The following PLXNA2 variants were observed in gnomAD, a reference collection of about 807,000 sequenced individuals.
The protein encoded by PLXNA2 is plexin-A2.
Under a neutral mutation model 193.5 loss-of-function variants are expected in PLXNA2, and 91 were observed. The ratio of observed to expected loss-of-function variants is 0.47; its 90% CI spans 0.40 to 0.56. The LOEUF (loss-of-function observed/expected upper bound fraction) is 0.56. Ranked by LOEUF, PLXNA2 falls within the 20% of genes least tolerant of loss-of-function variation. PLXNA2 has a pLI of 0.00. For synonymous variants in PLXNA2, 997 were observed against 1,027.3 expected (o/e 0.97, Z 0.56); for missense variants, 1,995 against 2,503.2 (o/e 0.80, Z 4.33).
chr1:208,038,300 C>CCTTA lies in PLXNA2; in HGVS notation c.4764+67_4764+70dup, dbSNP rs1327155668. On this transcript the variant is annotated intron_variant, in intron 26 of 31. Coordinates refer to ENST00000367033, the MANE Select transcript of PLXNA2 (RefSeq NM_025179.4). The surrounding 1 kb of genome is among the most constrained non-coding windows in gnomAD (Gnocchi z 4.1). ...GAAAATCCTTTTTAGACTTTTGAGG[C>CCTTA]CTTAGAGCAAGGCTTAGCGGGAAGG... 9.6e-7 allele frequency: 1 copy of CCTTA among 1,046,760 alleles called. No homozygotes were observed. The highest frequency in any genetic ancestry group is 1.5e-6 in the Non-Finnish European group (1 of 664,630). 64.8% of individuals were successfully genotyped at this position (1,046,760 alleles called of 1,614,324 possible). A position where few individuals can be genotyped will look rare whatever the true frequency, so the allele number is the denominator to read the frequency against.
At chr1:208,215,920 C>T (rs1456749935) in intron 2 of PLXNA2, among the ~76,000 whole-genome samples, 1 of 152,186 alleles carries the variant, frequency 6.6e-6, no homozygotes, top group Non-Finnish European at 1.5e-5. Context: ...ATCCTCTCCT[C>T]TTTTGCCTTT....
At chr1:208,078,772 T>A (rs1666237302) in intron 12 of PLXNA2, among the ~76,000 whole-genome samples, 1 of 152,202 alleles carries the variant, frequency 6.6e-6, no homozygotes, top group South Asian at 2.1e-4. Context: ...CATGAAAAAA[T>A]TGGGACGGGG....
At chr1:208,035,037 G>A (rs759635037) in intron 26 of PLXNA2, among the ~76,000 whole-genome samples, 1 of 151,944 alleles carries the variant, frequency 6.6e-6, no homozygotes, top group Non-Finnish European at 1.5e-5. Context: ...CCTTTTTAAT[G>A]TGACTAATAC....
In PLXNA2 at chr1:208,046,137, G is replaced by A. The variant is rs760281363; in HGVS notation, c.3256-20C>T. 3.1e-6 allele frequency: 5 copies of A among 1,607,782 alleles called. No homozygotes were observed. The highest frequency in any genetic ancestry group is 4.3e-6 in the Non-Finnish European group (5 of 1,175,358). Reference sequence around the variant, plus strand: ...ACACACCTAAGAGATCCAGAGCGCAGCATTCACACACGGAGTGCCTGGCAC... The same window carrying A: ...ACACACCTAAGAGATCCAGAGCGCAACATTCACACACGGAGTGCCTGGCAC... On this transcript the variant is annotated intron_variant, in intron 17 of 31. Coordinates refer to ENST00000367033, the MANE Select transcript of PLXNA2 (RefSeq NM_025179.4).
chr1:208,195,426 G>C (rs1159860970), intron 3 of PLXNA2, among the ~76,000 whole-genome samples: 1 of 152,086 alleles, frequency 6.6e-6, no homozygotes, highest in African/African-American at 2.4e-5. Flanking sequence ...GACCCACCAG[G>C]CACTGTGCTT....
intron 29 of PLXNA2, 145 bp downstream of exon 29, chr1:208,031,445 T>C: frequency 1.5e-6 from 2 of 1,296,276 alleles, no homozygotes; most frequent in Non-Finnish European, 1.0e-6. Context: ...AGAGCATATG[T>C]GCACTGTTTG....
rs1176124383 is a variant in PLXNA2, at chr1:208,217,117, T to C, written c.806A>G (p.Asn269Ser). 2.5e-6 allele frequency: 4 copies of C among 1,613,724 alleles called. No homozygotes were observed. Among genetic ancestry groups the C allele is most frequent in the Non-Finnish European group, 8.5e-7 (1 of 1,179,978 alleles). Residue 269 changes from asparagine to serine, a missense_variant, in exon 2 of 32, where the codon AAC (asparagine) becomes AGC (serine). Transcript: ENST00000367033. This position sits in a 1 kb window ranked among gnomAD's most constrained non-coding sequence, Gnocchi z 4.7. Reference protein sequence around the residue: ...QPETPEGVAINSAGDLFYTSR... With the variant: ...QPETPEGVAISSAGDLFYTSR... ...GGTGTAGAAGAGGTCTCCAGCGGAG[T>C]TGATGGCCACACCCTCAGGGGTCTC... is the stretch of plus-strand genomic sequence containing the variant.
chr1:208,191,737 T>C (rs1054921253), intron 3 of PLXNA2, among the ~76,000 whole-genome samples: 1 of 152,190 alleles, frequency 6.6e-6, no homozygotes, highest in African/African-American at 2.4e-5. Flanking sequence ...CCTGGACTCT[T>C]CTTAAACGCA....
Position 208,042,354 on chromosome 1 carries a change from C to T in PLXNA2, c.4030G>A (p.Gly1344Arg), listed in dbSNP as rs201000832. The T allele has an allele frequency of 1.3e-5, 21 of 1,613,498 alleles. No homozygotes were observed. The highest frequency in any genetic ancestry group is 1.7e-4 in the Middle Eastern group (1 of 6,060). The stretch of plus-strand genomic sequence containing the variant: ...AGGGCCTTCTCCACGTGCTGCTGCC[C>T]GTTTCCTTGTACCTGGGGTGGGGTG... ...VLRELEVQGNGQQHVEKALKL... is the reference protein window; with the variant it reads ...VLRELEVQGNRQQHVEKALKL... Residue 1344 changes from glycine (G) to arginine (R), a missense_variant, in exon 22 of 32, where the codon GGG (glycine) becomes AGG (arginine). This residue lies in a region of PLXNA2 where 1,291 missense variants were observed against 1,673.6 expected (regional missense o/e 0.77). Coordinates refer to ENST00000367033, the MANE Select transcript of PLXNA2 (RefSeq NM_025179.4).
At chr1:208,107,648 G>C (rs534258120) in intron 4 of PLXNA2, among the ~76,000 whole-genome samples, 2 of 152,144 alleles carry the variant, frequency 1.3e-5, no homozygotes, top group Middle Eastern at 3.2e-3. Context: ...CCACCGCGTC[G>C]GGCGCCCTCT....
chr1:208,033,521 G>T lies in PLXNA2; in HGVS notation c.4865-12C>A, dbSNP rs780641885. Reference sequence around the variant, plus strand: ...CCTGAAGGAGGAGTCTGAGGAGAAGGGGTTGGTGGAGGGCTGTGAGTAACA... The same window carrying T: ...CCTGAAGGAGGAGTCTGAGGAGAAGTGGTTGGTGGAGGGCTGTGAGTAACA... On this transcript the variant is annotated splice_polypyrimidine_tract_variant and intron_variant, in intron 27 of 31. Transcript: ENST00000367033. 6.3e-7 allele frequency: 1 copy of T among 1,590,902 alleles called. No homozygotes were observed. Among genetic ancestry groups the T allele is most frequent in the African/African-American group, 1.3e-5 (1 of 74,538 alleles).
chr1:208,045,028 A>T, intron 19 of PLXNA2, 39 bp downstream of exon 19: 1 of 1,612,954 alleles, frequency 6.2e-7, no homozygotes, highest in Non-Finnish European at 8.5e-7. Context: ...ATGCACCACG[A>T]GGCGGGAAGG....
intron 1 of PLXNA2, among the ~76,000 whole-genome samples, chr1:208,229,246 C>G (rs1159608501): frequency 6.6e-6 from 1 of 152,144 alleles, no homozygotes; most frequent in Non-Finnish European, 1.5e-5. Context: ...GCTAGAATCA[C>G]ACACTGATTC....
intron 3 of PLXNA2, among the ~76,000 whole-genome samples, chr1:208,190,281 T>C (rs1184736369): frequency 6.6e-6 from 1 of 152,218 alleles, no homozygotes; most frequent in Non-Finnish European, 1.5e-5. Flanking sequence ...CATGCTTTTG[T>C]AGATGAGTAG....
chr1:208,203,271 A>T (rs2102586828), intron 3 of PLXNA2, among the ~76,000 whole-genome samples: 1 of 152,232 alleles, frequency 6.6e-6, no homozygotes, highest in Non-Finnish European at 1.5e-5. Context: ...ATTACTAGGG[A>T]TGTGGTGGTG....
intron 3 of PLXNA2, among the ~76,000 whole-genome samples, chr1:208,201,071 G>A (rs1349110730): frequency 6.6e-6 from 1 of 152,240 alleles, no homozygotes; most frequent in African/African-American, 2.4e-5. Flanking sequence ...AGGCAGCAAT[G>A]ACTGCCATTT....
intron 3 of PLXNA2, among the ~76,000 whole-genome samples, chr1:208,184,912 G>C (rs1462774412): frequency 6.6e-6 from 1 of 152,210 alleles, no homozygotes; most frequent in Non-Finnish European, 1.5e-5. Context: ...TAAAAGCAGG[G>C]TCTGGGCCCT....
intron 3 of PLXNA2, among the ~76,000 whole-genome samples, chr1:208,202,907 G>A (rs144992439): frequency 6.6e-6 from 1 of 152,300 alleles, no homozygotes; most frequent in African/African-American, 2.4e-5. Context: ...CAAGATTGAA[G>A]TATATTAGAA....
At chr1:208,131,067 A>T (rs928259799) in intron 4 of PLXNA2, among the ~76,000 whole-genome samples, 1 of 152,160 alleles carries the variant, frequency 6.6e-6, no homozygotes, top group Non-Finnish European at 1.5e-5. Context: ...TTTGTATGAG[A>T]AATCTGCTGG....
Sources: allele counts gnomAD v4.1 joint callset (sites outside exome capture counted in the v4.1 genomes callset), GRCh38; gene constraint gnomAD v4.1.1; regional missense constraint gnomAD v4.1.1; non-coding constraint Gnocchi (gnomAD v3.1); transcripts MANE v1.5; gene names NCBI Gene and HGNC (gene_info 2026-07-23, HGNC 2026-07-21).